TCF12: variants seen among roughly 807,000 people sequenced by gnomAD.
The protein encoded by TCF12 is DNA-binding protein HTF4.
Under a neutral mutation model 86.0 loss-of-function variants are expected in TCF12, and 45 were observed. The observed-to-expected ratio is 0.52, with a 90% CI of 0.41 to 0.67. The LOEUF (loss-of-function observed/expected upper bound fraction) is 0.67, where lower values mean the gene tolerates loss of function less well. Ranked by LOEUF, TCF12 falls within the 30% of genes least tolerant of loss-of-function variation. The pLI is 0.00. For missense variants in TCF12, 881 were observed against 859.9 expected (o/e 1.02, Z -0.31); for synonymous variants, 330 against 299.6 (o/e 1.10, Z -1.05).
chr15:57,004,229 C>A (rs1029446527), intron 3 of TCF12, among the ~76,000 whole-genome samples: 15 of 144,212 alleles, frequency 1.0e-4, no homozygotes, highest in African/African-American at 3.5e-4. Context: ...TTGTTCATTT[C>A]TTTCTTTCTT....
At chr15:57,129,019 G>C (rs1036962602) in intron 5 of TCF12, among the ~76,000 whole-genome samples, 2 of 152,100 alleles carry the variant, frequency 1.3e-5, no homozygotes, top group African/African-American at 4.8e-5. Flanking sequence ...TTGTATGGAC[G>C]TATTTTCAGT....
At chr15:57,147,723 T>C (rs1262955707) in intron 5 of TCF12, among the ~76,000 whole-genome samples, 2 of 151,966 alleles carry the variant, frequency 1.3e-5, no homozygotes, top group African/African-American at 4.8e-5. Context: ...AATAGCAAAA[T>C]ACAAATATGG....
chr15:57,239,382 G>A (rs1327281726), intron 12 of TCF12, among the ~76,000 whole-genome samples: 2 of 151,756 alleles, frequency 1.3e-5, no homozygotes, highest in African/African-American at 4.8e-5. Context: ...AAATTAGCCG[G>A]GTATGGTGGT....
intron 5 of TCF12, among the ~76,000 whole-genome samples, chr15:57,096,812 T>C (rs768312144): frequency 3.9e-5 from 6 of 152,182 alleles, no homozygotes; most frequent in Non-Finnish European, 4.4e-5. Flanking sequence ...TTGTAACTTA[T>C]TTTAGGCATG....
intron 3 of TCF12, among the ~76,000 whole-genome samples, chr15:57,000,578 C>T (rs1220125308): frequency 6.6e-6 from 1 of 151,844 alleles, no homozygotes; most frequent in Admixed American, 6.6e-5. Flanking sequence ...CCTTAGGAAG[C>T]TAATGAAGTA....
chr15:57,206,551 G>A (rs2057819492), intron 8 of TCF12, among the ~76,000 whole-genome samples: 1 of 146,486 alleles, frequency 6.8e-6, no homozygotes, highest in African/African-American at 2.5e-5. Context: ...CCTGATTCTT[G>A]GTTTTATTAA....
At position 57,077,384 on chromosome 15, in the gene TCF12, T is replaced by A. The variant is rs866247842; in HGVS notation, c.222+13561T>A. ...GTGTGTGTGTGTGTGTATATATATTTTTTTTTTTTTGGCAAGGCTTTGCTC... is the reference window on the plus strand; with the variant it reads ...GTGTGTGTGTGTGTGTATATATATTATTTTTTTTTTGGCAAGGCTTTGCTC... On this transcript the variant is annotated intron_variant, in intron 4 of 20. Coordinates refer to ENST00000333725, the MANE Select transcript of TCF12 (RefSeq NM_207037.2). Among the ~76,000 whole-genome samples the A allele has an allele frequency of 1.0e-3, 128 of 127,016 alleles. 5 individuals are homozygous for A. Among genetic ancestry groups the A allele is most frequent in the East Asian group, 2.6e-3 (12 of 4,544 alleles). The allele number at this position is 127,016 out of a possible 152,430, so 83.3% of individuals were successfully genotyped here. A position where few individuals can be genotyped will look rare whatever the true frequency, so the allele number is the denominator to read the frequency against.
At position 57,288,311 on chromosome 15, in the gene TCF12, A is replaced by T. The variant is rs1400748847; in HGVS notation, c.*2166A>T. 1 of 152,622 alleles carries T rather than the reference A, an allele frequency of 6.6e-6. No homozygotes were observed. Among genetic ancestry groups the T allele is most frequent in the Non-Finnish European group, 1.5e-5 (1 of 68,042 alleles). 9.5% of individuals were successfully genotyped at this position (152,622 alleles called of 1,614,324 possible). ...GTATTGTAAGAGCTAATTGTTGGAG[A>T]TGAATTGCTTCTCATCTTGTTCTCC... On this transcript the variant is annotated 3_prime_UTR_variant, in exon 21 of 21. Transcript: ENST00000333725.
In TCF12 at chr15:57,159,501, T is replaced by C. The variant is rs574961131; in HGVS notation, c.326-6901T>C. Reference sequence around the variant, plus strand: ...GAGGAGGATAGTCTGCTCATAAAACTGTCATCAGATTTAGATTTGTGCACA... The same window carrying C: ...GAGGAGGATAGTCTGCTCATAAAACCGTCATCAGATTTAGATTTGTGCACA... On this transcript the variant is annotated intron_variant, in intron 5 of 20. Coordinates refer to ENST00000333725, the MANE Select transcript of TCF12 (RefSeq NM_207037.2). 6.6e-5 allele frequency among the ~76,000 whole-genome samples: 10 copies of C among 152,322 alleles called. 1 individual carries two copies. In the East Asian group the frequency reaches 1.7e-3, roughly 26 times the overall value.
rs368135514 is a variant in TCF12, at chr15:57,178,388, A to G, written c.390+11922A>G. On this transcript the variant is annotated intron_variant, in intron 6 of 20. Coordinates refer to ENST00000333725, the MANE Select transcript of TCF12 (RefSeq NM_207037.2). ...CATGCCTAACTATATGTCTAATGCT[A>G]TATTGGGTTTTTTTACTCTTAATTA... 6.6e-5 allele frequency among the ~76,000 whole-genome samples: 10 copies of G among 152,124 alleles called. No individual in the cohort carries two copies. The South Asian group carries it at 1.7e-3, about 25-fold the overall frequency.
At chr15:57,014,518 G>A (rs1277778922) in intron 3 of TCF12, among the ~76,000 whole-genome samples, 1 of 152,164 alleles carries the variant, frequency 6.6e-6, no homozygotes, top group African/African-American at 2.4e-5. Context: ...GAGGGAACAT[G>A]TCCTATTTGC....
At chr15:57,103,081 A>G (rs958519880) in intron 5 of TCF12, among the ~76,000 whole-genome samples, 3 of 152,210 alleles carry the variant, frequency 2.0e-5, no homozygotes, top group Non-Finnish European at 4.4e-5. Flanking sequence ...TGTCGAGGGA[A>G]TCTATAATGA....
At chr15:57,137,125 A>G (rs1230450461) in intron 5 of TCF12, among the ~76,000 whole-genome samples, 1 of 151,758 alleles carries the variant, frequency 6.6e-6, no homozygotes, top group Non-Finnish European at 1.5e-5. Context: ...GACTACAGGC[A>G]CCTGCCACCA....
intron 5 of TCF12, among the ~76,000 whole-genome samples, chr15:57,102,281 C>T (rs2049813247): frequency 6.6e-6 from 1 of 152,160 alleles, no homozygotes; most frequent in South Asian, 2.1e-4. Context: ...AGCAGTAACT[C>T]TGCCAATTTG....
chr15:57,252,435 G>A lies in TCF12; in HGVS notation c.1203G>A (p.Glu401=). The A allele has an allele frequency of 6.2e-7, 1 of 1,613,910 alleles. No homozygotes were observed. Among genetic ancestry groups the A allele is most frequent in the Non-Finnish European group, 8.5e-7 (1 of 1,179,874 alleles). ...NSLHSLKNRV[E]QQLHEHLQDA... is the part of the protein sequence containing the mutation. ...GACTTTGCCAGAAAAATCGAGTTGA[G>A]CAGCAACTTCACGAGCATTTGCAAG... The change falls in exon 15 of 21, where the codon GAG becomes GAA. Residue 401 remains glutamate (E), a synonymous_variant. Coordinates refer to ENST00000333725, the MANE Select transcript of TCF12 (RefSeq NM_207037.2).
chr15:56,921,901 C>T (rs2059809494), intron 3 of TCF12, among the ~76,000 whole-genome samples: 3 of 151,938 alleles, frequency 2.0e-5, no homozygotes, highest in Admixed American at 2.0e-4. Context: ...AAATTGTATA[C>T]TAATTTATTA....
intron 8 of TCF12, among the ~76,000 whole-genome samples, chr15:57,226,141 A>C (rs753986962): frequency 6.6e-6 from 1 of 151,564 alleles, no homozygotes; most frequent in Non-Finnish European, 1.5e-5. Context: ...AGTCTTAATT[A>C]CAGTTTTTTA....
chr15:56,925,336 T>A (rs1348613140), intron 3 of TCF12, among the ~76,000 whole-genome samples: 1 of 151,452 alleles, frequency 6.6e-6, no homozygotes, highest in Non-Finnish European at 1.5e-5. Flanking sequence ...GCTTGTTTAT[T>A]ATATATAGTG....
intron 3 of TCF12, among the ~76,000 whole-genome samples, chr15:56,957,438 T>C (rs2061547848): frequency 1.3e-5 from 2 of 152,204 alleles, no homozygotes; most frequent in African/African-American, 4.8e-5. Flanking sequence ...TTATATTGGA[T>C]TGTTTCTTTT....
Sources: gnomAD v4.1 joint callset for allele counts (sites outside exome capture counted in the v4.1 genomes callset) on GRCh38, gnomAD v4.1.1 for gene constraint, MANE v1.5 for transcripts, NCBI Gene and HGNC (gene_info 2026-07-23, HGNC 2026-07-21) for gene names.